Variants in TMEM178B observed in about 807,000 individuals in gnomAD.
TMEM178B encodes transmembrane protein 178B.
In TMEM178B, 5 loss-of-function variants were observed where a neutral mutation model predicts 31.0. The observed-to-expected ratio is 0.16, with a 90% CI of 0.08 to 0.34. TMEM178B has a LOEUF of 0.34. Among genes scored for constraint, TMEM178B ranks in the 10% least tolerant of loss-of-function variants. The pLI is 1.00. For missense variants in TMEM178B, 275 were observed against 400.3 expected, an observed-to-expected ratio of 0.69 and a Z score of 2.67; for synonymous variants, 164 against 164.0, an observed-to-expected ratio of 1.00 and a Z score of 0.00.
chr7:141,142,621 A>T (rs987909055), intron 1 of TMEM178B, among the ~76,000 whole-genome samples: 1 of 152,012 alleles, frequency 6.6e-6, no homozygotes, highest in African/African-American at 2.4e-5. Context: ...GTTAGCCAGG[A>T]TGGTCTCGAT....
intron 2 of TMEM178B, among the ~76,000 whole-genome samples, chr7:141,310,120 A>G (rs1198533020): frequency 1.3e-5 from 2 of 152,262 alleles, no homozygotes; most frequent in Non-Finnish European, 2.9e-5. Context: ...TCTGCACAAC[A>G]GAAGAAACTA....
intron 1 of TMEM178B, among the ~76,000 whole-genome samples, chr7:141,182,950 C>T (rs145204234): frequency 9.2e-5 from 14 of 152,272 alleles, no homozygotes; most frequent in Middle Eastern, 3.4e-3. Context: ...ACTGTGAGAA[C>T]GAACTAATAC....
At chr7:141,143,272 A>T (rs1795803778) in intron 1 of TMEM178B, among the ~76,000 whole-genome samples, 1 of 152,194 alleles carries the variant, frequency 6.6e-6, no homozygotes, top group African/African-American at 2.4e-5. Context: ...TTGAGGACTT[A>T]GTCATACATT....
intron 3 of TMEM178B, among the ~76,000 whole-genome samples, chr7:141,460,681 G>A (rs1203182384): frequency 6.6e-6 from 1 of 152,226 alleles, no homozygotes; most frequent in Non-Finnish European, 1.5e-5. Flanking sequence ...TCACACCTGG[G>A]TGCAGAGCAG....
Position 141,113,900 on chromosome 7 carries a change from G to A in TMEM178B, c.382+39208G>A, listed in dbSNP as rs183271459. On this transcript the variant is annotated intron_variant, in intron 1 of 3. Coordinates refer to ENST00000565468, the MANE Select transcript of TMEM178B (RefSeq NM_001195278.2). ...TTGTGCTATCTCAGACAGGGGAGAA[G>A]GTTATTTAGATAATGTGATTAGAGT... is the stretch of plus-strand genomic sequence containing the variant. Among the ~76,000 whole-genome samples, 152 of 152,296 alleles carry A rather than the reference G, an allele frequency of 1.0e-3. 1 individual carries two copies. The highest frequency in any genetic ancestry group is 3.5e-3 in the African/African-American group (146 of 41,556).
the TMEM178B span, among the ~76,000 whole-genome samples, chr7:141,504,711 G>A: frequency 3.5e-4 from 53 of 152,156 alleles, no homozygotes; most frequent in Non-Finnish European, 7.1e-4. Flanking sequence ...TATTTCAATA[G>A]CTTTTGGGGT....
At chr7:141,092,142 A>G (rs1450720164) in intron 1 of TMEM178B, among the ~76,000 whole-genome samples, 2 of 152,158 alleles carry the variant, frequency 1.3e-5, no homozygotes, top group Non-Finnish European at 2.9e-5. Flanking sequence ...ACCGAGAAAG[A>G]CAGGATTAGT....
intron 2 of TMEM178B, among the ~76,000 whole-genome samples, chr7:141,415,639 T>C (rs1470677231): frequency 6.6e-6 from 1 of 152,146 alleles, no homozygotes; most frequent in Non-Finnish European, 1.5e-5. Context: ...TGGCAACCTA[T>C]CAGAAATCCA....
intron 2 of TMEM178B, among the ~76,000 whole-genome samples, chr7:141,275,557 A>C (rs1368124189): frequency 1.3e-5 from 2 of 152,194 alleles, no homozygotes; most frequent in African/African-American, 4.8e-5. Flanking sequence ...ACCCTTCAGC[A>C]TCCAGAGGGG....
intron 2 of TMEM178B, among the ~76,000 whole-genome samples, chr7:141,278,872 G>C (rs1171873601): frequency 1.3e-5 from 2 of 152,184 alleles, no homozygotes; most frequent in African/African-American, 4.8e-5. Flanking sequence ...CAAAATAAGG[G>C]TTGAAAGGTG....
intron 3 of TMEM178B, among the ~76,000 whole-genome samples, chr7:141,444,045 T>C (rs1801709032): frequency 6.6e-6 from 1 of 152,196 alleles, no homozygotes; most frequent in Admixed American, 6.5e-5. Context: ...TTGGAGCACT[T>C]AGTTTTTGGC....
chr7:141,324,181 A>G (rs560054802), intron 2 of TMEM178B, among the ~76,000 whole-genome samples: 1 of 152,210 alleles, frequency 6.6e-6, no homozygotes, highest in East Asian at 1.9e-4. Flanking sequence ...CTTTGATCGG[A>G]GGACAGATAT....
chr7:141,230,038 T>C (rs2058421), intron 2 of TMEM178B, among the ~76,000 whole-genome samples: 12,504 of 152,244 alleles, frequency 0.082, 791 homozygotes, highest in African/African-American at 0.16. Context: ...ATCAAACTCT[T>C]CATAAACATA....
At chr7:141,139,667 G>A (rs576116589) in intron 1 of TMEM178B, among the ~76,000 whole-genome samples, 3 of 152,220 alleles carry the variant, frequency 2.0e-5, no homozygotes, top group Admixed American at 1.3e-4. Context: ...TGAAATGAAT[G>A]ATTGTAATTT....
intron 2 of TMEM178B, among the ~76,000 whole-genome samples, chr7:141,351,744 A>G (rs765007948): frequency 6.6e-6 from 1 of 152,216 alleles, no homozygotes; most frequent in Non-Finnish European, 1.5e-5. Context: ...AATTGAAAAA[A>G]TGTCCTACCA....
At chr7:141,385,519 C>G (rs761361201) in intron 2 of TMEM178B, among the ~76,000 whole-genome samples, 23 of 152,172 alleles carry the variant, frequency 1.5e-4, no homozygotes, top group Non-Finnish European at 2.9e-4. Context: ...ATAAGTAATT[C>G]ATACCTAGAG....
intron 2 of TMEM178B, among the ~76,000 whole-genome samples, chr7:141,390,216 G>A (rs1800510181): frequency 6.6e-6 from 1 of 152,182 alleles, no homozygotes; most frequent in South Asian, 2.1e-4. Flanking sequence ...ACCTCTCTCT[G>A]CGACCTTCCT....
chr7:141,342,062 C>T (rs987367824), intron 2 of TMEM178B, among the ~76,000 whole-genome samples: 12 of 152,310 alleles, frequency 7.9e-5, no homozygotes, highest in African/African-American at 2.9e-4. Context: ...ATTCACCTGC[C>T]TCAGCCTCCC....
chr7:141,351,603 A>G (rs1799724590), intron 2 of TMEM178B, among the ~76,000 whole-genome samples: 1 of 152,232 alleles, frequency 6.6e-6, no homozygotes, highest in African/African-American at 2.4e-5. Flanking sequence ...TCACCTTTGG[A>G]GGAATATGGA....
Sources: gnomAD v4.1 joint callset for allele counts (sites outside exome capture counted in the v4.1 genomes callset) on GRCh38, gnomAD v4.1.1 for gene constraint, MANE v1.5 for transcripts, NCBI Gene and HGNC (gene_info 2026-07-23, HGNC 2026-07-21) for gene names.